SRGAP1: variants seen among roughly 807,000 people sequenced by gnomAD.
SRGAP1 encodes SLIT-ROBO Rho GTPase activating protein 1.
In SRGAP1, 43 loss-of-function variants were observed where a neutral mutation model predicts 121.9. The observed-to-expected ratio is 0.35, with a 90% CI of 0.28 to 0.46. The LOEUF is 0.46. Ranked by LOEUF, SRGAP1 falls within the 20% of genes least tolerant of loss-of-function variation. The probability of loss-of-function intolerance (pLI) is 1.00; values close to 1 mark genes in which losing one functional copy is unlikely to be tolerated. For synonymous variants in SRGAP1, 447 were observed against 485.4 expected, an observed-to-expected ratio of 0.92 and a Z score of 1.04; for missense variants, 1,102 against 1,350.9, an observed-to-expected ratio of 0.82 and a Z score of 2.89.
At chr12:64,042,746 TGACA>T (rs748108979) in intron 4 of SRGAP1, 40 bp from the exon 5 acceptor site, 48 of 1,524,340 alleles carry the variant, frequency 3.1e-5, no homozygotes, top group Non-Finnish European at 4.3e-5. Flanking sequence ...ACTCTCTAAA[TGACA>T]GACAGACATC....
At chr12:64,020,703 C>T (rs2034522382) in intron 4 of SRGAP1, among the ~76,000 whole-genome samples, 1 of 151,808 alleles carries the variant, frequency 6.6e-6, no homozygotes, top group Admixed American at 6.6e-5. Context: ...ATTAGCCAGG[C>T]GTGGTGGCAG....
At chr12:64,126,209 C>A in intron 19 of SRGAP1, 52 bp downstream of exon 19, 2 of 1,569,146 alleles carry the variant, frequency 1.3e-6, no homozygotes, top group Non-Finnish European at 1.7e-6. Context: ...AGGACTCCAG[C>A]CATTGTTCTT....
At chr12:63,910,694 G>A (rs1416154402) in intron 1 of SRGAP1, among the ~76,000 whole-genome samples, 1 of 152,200 alleles carries the variant, frequency 6.6e-6, no homozygotes, top group East Asian at 1.9e-4. Context: ...GGCAAATATG[G>A]AGTAGAGAGG....
chr12:64,006,407 G>A (rs2136446269), intron 3 of SRGAP1, among the ~76,000 whole-genome samples: 1 of 152,310 alleles, frequency 6.6e-6, no homozygotes, highest in East Asian at 1.9e-4. Flanking sequence ...TGTTAGGAGT[G>A]TAGCCTATGG....
intron 21 of SRGAP1, among the ~76,000 whole-genome samples, chr12:64,141,437 G>A (rs1372610731): frequency 5.9e-5 from 9 of 151,646 alleles, no homozygotes; most frequent in East Asian, 3.9e-4. Flanking sequence ...AAAATTAGCC[G>A]GGCGTGGTGG....
At chr12:64,035,613 A>C (rs969760360) in intron 4 of SRGAP1, among the ~76,000 whole-genome samples, 10 of 152,206 alleles carry the variant, frequency 6.6e-5, no homozygotes, top group African/African-American at 2.4e-4. Context: ...GTGTGTAGAC[A>C]GGCCAAAAGC....
At chr12:64,118,624 G>A (rs2036559082) in intron 18 of SRGAP1, among the ~76,000 whole-genome samples, 3 of 151,968 alleles carry the variant, frequency 2.0e-5, no homozygotes, top group African/African-American at 7.3e-5. Context: ...CCTCATATGT[G>A]GTTTTGATTT....
chr12:63,863,399 A>C (rs1192271197), intron 1 of SRGAP1, among the ~76,000 whole-genome samples: 1 of 151,632 alleles, frequency 6.6e-6, no homozygotes. Flanking sequence ...CAGCCTCCCA[A>C]GTAGCTCGGA....
intron 4 of SRGAP1, among the ~76,000 whole-genome samples, chr12:64,017,699 A>G (rs1341907147): frequency 6.6e-6 from 1 of 151,460 alleles, no homozygotes; most frequent in African/African-American, 2.4e-5. Flanking sequence ...TGAGCAATTT[A>G]GGTTGCGTTA....
chr12:64,083,315 C>T (rs948075851), intron 10 of SRGAP1, among the ~76,000 whole-genome samples: 3 of 152,202 alleles, frequency 2.0e-5, no homozygotes, highest in African/African-American at 7.2e-5. Flanking sequence ...AAACTGCCTT[C>T]ATAGTAAAAC....
In SRGAP1 at chr12:64,160,175, G is replaced by A. The variant is rs2037199135; in HGVS notation, c.*17503G>A. ...GTCTACTGCATAGCTGAGAGCCTAA[G>A]ATCTCTGGGGACTCACTCCACTTTT... is the stretch of plus-strand genomic sequence containing the variant. On this transcript the variant is annotated 3_prime_UTR_variant, in exon 22 of 22. Coordinates refer to ENST00000355086, the MANE Select transcript of SRGAP1 (RefSeq NM_020762.4). The A allele has an allele frequency of 6.6e-6, 1 of 152,178 alleles. No individual in the cohort carries two copies. The highest frequency in any genetic ancestry group is 1.9e-4 in the East Asian group (1 of 5,192). 9.4% of individuals were successfully genotyped at this position (152,178 alleles called of 1,614,324 possible).
chr12:64,140,643 G>C (rs1407148871), intron 21 of SRGAP1, among the ~76,000 whole-genome samples: 1 of 146,410 alleles, frequency 6.8e-6, no homozygotes, highest in African/African-American at 2.5e-5. Context: ...AGAGGATGTG[G>C]AGAAATAGGA....
At chr12:63,966,703 CA>C (rs2032799823) in intron 1 of SRGAP1, among the ~76,000 whole-genome samples, 3 of 151,820 alleles carry the variant, frequency 2.0e-5, no homozygotes, top group Admixed American at 2.0e-4. Context: ...CATAGGAAAA[CA>C]AGGGGTAGAG....
chr12:64,019,775 A>C (rs1186293647), intron 4 of SRGAP1, among the ~76,000 whole-genome samples: 1 of 152,252 alleles, frequency 6.6e-6, no homozygotes, highest in African/African-American at 2.4e-5. Flanking sequence ...TAGGTTCCCC[A>C]TTCAACCACT....
chr12:63,873,402 G>A (rs562884776), intron 1 of SRGAP1, among the ~76,000 whole-genome samples: 4 of 151,796 alleles, frequency 2.6e-5, no homozygotes, highest in South Asian at 2.1e-4. Context: ...GTATGGTGGC[G>A]CATGCCTGTA....
chr12:63,909,593 A>G (rs1424383212), intron 1 of SRGAP1, among the ~76,000 whole-genome samples: 6 of 152,242 alleles, frequency 3.9e-5, no homozygotes, highest in Admixed American at 3.9e-4. Flanking sequence ...TCTTTTTTGT[A>G]CATGGCTCTG....
At chr12:63,871,620 G>C (rs1388856802) in intron 1 of SRGAP1, 8 of 541,854 alleles carry the variant, frequency 1.5e-5, no homozygotes, top group Admixed American at 1.0e-4. Flanking sequence ...GTGTGAGGTT[G>C]GGAGTTTTTC....
intron 1 of SRGAP1, among the ~76,000 whole-genome samples, chr12:63,936,704 A>G (rs947531303): frequency 1.4e-4 from 21 of 152,220 alleles, no homozygotes; most frequent in African/African-American, 4.8e-4. Context: ...TAAGATAACT[A>G]ATTTCCTTAT....
intron 10 of SRGAP1, among the ~76,000 whole-genome samples, chr12:64,084,076 A>G (rs1271821878): frequency 6.6e-6 from 1 of 152,254 alleles, no homozygotes; most frequent in Non-Finnish European, 1.5e-5. Flanking sequence ...ATTAGGGAGC[A>G]AATCCAGGAT....
Sources: allele counts gnomAD v4.1 joint callset (sites outside exome capture counted in the v4.1 genomes callset), GRCh38; gene constraint gnomAD v4.1.1; transcripts MANE v1.5; gene names NCBI Gene and HGNC (gene_info 2026-07-23, HGNC 2026-07-21).